TTC7B: variants seen among roughly 807,000 people sequenced by gnomAD.
TTC7B encodes tetratricopeptide repeat domain 7B.
Under a neutral mutation model 106.8 loss-of-function variants are expected in TTC7B, and 28 were observed. The ratio of observed to expected loss-of-function variants is 0.26; its 90% CI spans 0.19 to 0.36. The LOEUF (loss-of-function observed/expected upper bound fraction) is 0.36. TTC7B is among the 10% of genes least tolerant of loss of function. TTC7B has a pLI of 1.00. For missense variants in TTC7B, 862 were observed against 1,076.4 expected (o/e 0.80, Z 2.79); for synonymous variants, 405 against 430.6 (o/e 0.94, Z 0.74).
At position 90,808,607 on chromosome 14, in the gene TTC7B, C is replaced by T. The variant is rs1054492766; in HGVS notation, c.121+7568G>A. On this transcript the variant is annotated intron_variant, in intron 1 of 19. Coordinates refer to ENST00000328459, the MANE Select transcript of TTC7B (RefSeq NM_001010854.2). The surrounding 1 kb of genome is among the most constrained non-coding windows in gnomAD (Gnocchi z 4.2). ...CCATTAGCTTTCCTGTGGCTGTGGC[C>T]GTCTTTCATATTTTATATGGCACCC... Among the ~76,000 whole-genome samples the T allele has an allele frequency of 6.6e-6, 1 of 152,144 alleles. No individual in the cohort carries two copies. Among genetic ancestry groups the T allele is most frequent in the East Asian group, 1.9e-4 (1 of 5,174 alleles).
chr14:90,663,991 A>T lies in TTC7B; in HGVS notation c.1153-5604T>A, dbSNP rs1886308897. ...ATGTTTCTGTAAACATGAAGATTAC[A>T]TAAACCCCTAAGCAGCTCAGGTCAA... On this transcript the variant is annotated intron_variant, in intron 9 of 19. Transcript: ENST00000328459. The surrounding 1 kb of genome is among the most constrained non-coding windows in gnomAD (Gnocchi z 4.5). Among the ~76,000 whole-genome samples the T allele has an allele frequency of 6.6e-6, 1 of 152,210 alleles. No homozygotes were observed. Among genetic ancestry groups the T allele is most frequent in the South Asian group, 2.1e-4 (1 of 4,830 alleles).
At chr14:90,758,306 G>A (rs940459917) in intron 3 of TTC7B, among the ~76,000 whole-genome samples, 5 of 149,538 alleles carry the variant, frequency 3.3e-5, no homozygotes, top group Admixed American at 1.3e-4. Flanking sequence ...GCGAGATGCA[G>A]GGCACTGGCT....
chr14:90,689,004 C>T (rs1030641216), intron 7 of TTC7B, among the ~76,000 whole-genome samples: 1 of 152,000 alleles, frequency 6.6e-6, no homozygotes, highest in Non-Finnish European at 1.5e-5. Context: ...GCCCATTATC[C>T]TCCAAGGTGA....
chr14:90,725,729 G>A (rs977877469), intron 5 of TTC7B, among the ~76,000 whole-genome samples: 1 of 152,150 alleles, frequency 6.6e-6, no homozygotes, highest in East Asian at 1.9e-4. Flanking sequence ...CCCCATGGGT[G>A]CATCTCCCGG....
chr14:90,763,072 A>C (rs755204371), intron 3 of TTC7B, among the ~76,000 whole-genome samples: 9 of 152,230 alleles, frequency 5.9e-5, no homozygotes, highest in Admixed American at 1.3e-4. Context: ...CATTGACACT[A>C]AAACCAAAGG....
rs1892753175 is a variant in TTC7B, at chr14:90,608,665, C to A, written c.1966+2077G>T. 6.6e-6 allele frequency among the ~76,000 whole-genome samples: 1 copy of A among 152,140 alleles called. No homozygotes were observed. Among genetic ancestry groups the A allele is most frequent in the South Asian group, 2.1e-4 (1 of 4,816 alleles). On this transcript the variant is annotated intron_variant, in intron 17 of 19. Transcript: ENST00000328459. This position sits in a 1 kb window ranked among gnomAD's most constrained non-coding sequence, Gnocchi z 5.1. ...GGCAGTGACACCGCAGACTGTGTCA[C>A]ACAGGCACATCTTCCCTAAACACCA...
rs375472472 is a variant in TTC7B, at chr14:90,646,962, T to C, written c.1579A>G (p.Ile527Val). 4.3e-6 allele frequency: 7 copies of C among 1,613,996 alleles called. No homozygotes were observed. The highest frequency in any genetic ancestry group is 2.7e-5 in the African/African-American group (2 of 74,916). ...TTAGAGAAACTGACCTGTCTGGAGATGGCAAGCTGCAGAGCCAGGTAGAAA... is the reference window on the plus strand; with the variant it reads ...TTAGAGAAACTGACCTGTCTGGAGACGGCAAGCTGCAGAGCCAGGTAGAAA... ...AAFYLALQLA[I>V]SRQIPEALGY... Residue 527 changes from isoleucine (I) to valine (V), a missense_variant, in exon 14 of 20, where the codon ATC (isoleucine) becomes GTC (valine). By Grantham distance (29) the Ile-to-Val change is conservative. Transcript: ENST00000328459.
At chr14:90,603,185 A>G in intron 17 of TTC7B, 1 of 1,087,892 alleles carries the variant, frequency 9.2e-7, no homozygotes, top group Non-Finnish European at 1.2e-6. Context: ...CACAATGCAC[A>G]TTCCGTGGTG....
intron 1 of TTC7B, among the ~76,000 whole-genome samples, chr14:90,815,304 C>A (rs2031107476): frequency 6.6e-6 from 1 of 152,146 alleles, no homozygotes; most frequent in South Asian, 2.1e-4. Context: ...TGGAGCTGTG[C>A]ACTGGAATGG....
chr14:90,771,241 TA>T (rs1166676489), intron 3 of TTC7B, among the ~76,000 whole-genome samples: 1 of 152,160 alleles, frequency 6.6e-6, no homozygotes, highest in Non-Finnish European at 1.5e-5. Context: ...AGAAAAGCTA[TA>T]GAGTATATTT....
intron 4 of TTC7B, among the ~76,000 whole-genome samples, chr14:90,744,507 C>T (rs1386640901): frequency 3.3e-5 from 5 of 152,118 alleles, no homozygotes. Flanking sequence ...TGGGGTTTCA[C>T]CATGTTGGCC....
Position 90,773,798 on chromosome 14 carries a change from C to A in TTC7B, c.445+6940G>T, listed in dbSNP as rs569981038. Among the ~76,000 whole-genome samples, 5 of 152,284 alleles carry A rather than the reference C, an allele frequency of 3.3e-5. No homozygotes were observed. In the South Asian group the frequency reaches 8.3e-4, roughly 25 times the overall value. On this transcript the variant is annotated intron_variant, in intron 3 of 19. Transcript: ENST00000328459. ...GCCCTCCACACAGGTGAGGCCTGCT[C>A]CTCCACCCCTGGAGGCTGCTCTTCC... is the stretch of plus-strand genomic sequence containing the variant.
At chr14:90,601,562 G>A (rs1435041788) in intron 17 of TTC7B, among the ~76,000 whole-genome samples, 7 of 152,174 alleles carry the variant, frequency 4.6e-5, no homozygotes, top group East Asian at 1.9e-4. Flanking sequence ...AACTCAAGTC[G>A]GTAATCTTGA....
chr14:90,782,106 C>A (rs1404519918), intron 2 of TTC7B, among the ~76,000 whole-genome samples: 1 of 152,166 alleles, frequency 6.6e-6, no homozygotes, highest in Non-Finnish European at 1.5e-5. Flanking sequence ...GTTACAGCAG[C>A]TATCTCAGCC....
chr14:90,680,096 T>C (rs1002508625), intron 8 of TTC7B, among the ~76,000 whole-genome samples: 3 of 152,234 alleles, frequency 2.0e-5, no homozygotes, highest in African/African-American at 7.2e-5. Flanking sequence ...GAGAGGCTTA[T>C]AAAGGTCACC....
chr14:90,707,676 A>C (rs184223817), intron 5 of TTC7B, among the ~76,000 whole-genome samples: 2 of 152,334 alleles, frequency 1.3e-5, no homozygotes, highest in African/African-American at 4.8e-5. Flanking sequence ...CATGGTCTGG[A>C]TAGAAGATTA....
At chr14:90,758,352 G>T (rs1194010664) in intron 3 of TTC7B, among the ~76,000 whole-genome samples, 1 of 137,102 alleles carries the variant, frequency 7.3e-6, no homozygotes, top group Non-Finnish European at 1.6e-5. Flanking sequence ...GGGGCGCGGC[G>T]GGGCGAGAGC....
intron 19 of TTC7B, among the ~76,000 whole-genome samples, chr14:90,552,653 G>A (rs1890136732): frequency 6.6e-6 from 1 of 152,242 alleles, no homozygotes. Context: ...AGGAGGGAAG[G>A]TACCTGCAGT....
chr14:90,720,184 G>A (rs1207229420), intron 5 of TTC7B, among the ~76,000 whole-genome samples: 4 of 152,000 alleles, frequency 2.6e-5, no homozygotes, highest in South Asian at 2.1e-4. Context: ...CCTCACCTTT[G>A]CCAGTTAGCT....
Sources: allele counts gnomAD v4.1 joint callset (sites outside exome capture counted in the v4.1 genomes callset), GRCh38; gene constraint gnomAD v4.1.1; non-coding constraint Gnocchi (gnomAD v3.1); transcripts MANE v1.5; gene names NCBI Gene and HGNC (gene_info 2026-07-23, HGNC 2026-07-21).